Variants in KCNH8 observed in about 807,000 individuals in gnomAD.
KCNH8 encodes the protein voltage-gated delayed rectifier potassium channel KCNH8.
A neutral mutation model predicts 103.6 loss-of-function variants in KCNH8; 70 were observed. The observed-to-expected ratio is 0.68, with a 90% CI of 0.56 to 0.82. The LOEUF (loss-of-function observed/expected upper bound fraction) is 0.82, where lower values mean the gene tolerates loss of function less well. KCNH8 is among the 40% of genes least tolerant of loss of function. KCNH8 has a pLI of 0.00. For missense variants in KCNH8, 1,217 were observed against 1,329.9 expected (o/e 0.92, Z 1.32); for synonymous variants, 498 against 489.4 (o/e 1.02, Z -0.23).
intron 1 of KCNH8, among the ~76,000 whole-genome samples, chr3:19,218,720 A>G (rs1468869698): frequency 5.3e-5 from 8 of 152,176 alleles, no homozygotes; most frequent in Non-Finnish European, 8.8e-5. Context: ...TCTGAGATCA[A>G]GGTGTCAGCA....
chr3:19,407,173 TA>T (rs1311640670), intron 7 of KCNH8, among the ~76,000 whole-genome samples: 8 of 152,346 alleles, frequency 5.3e-5, no homozygotes, highest in Middle Eastern at 3.4e-3. Flanking sequence ...TTTTTTAATT[TA>T]CAGCATTGGA....
intron 12 of KCNH8, among the ~76,000 whole-genome samples, chr3:19,511,010 T>G (rs1162764365): frequency 6.6e-6 from 1 of 152,178 alleles, no homozygotes; most frequent in Non-Finnish European, 1.5e-5. Context: ...TTATTTTAAT[T>G]ATACTTTAAG....
At chr3:19,235,601 A>G (rs1027375296) in intron 1 of KCNH8, among the ~76,000 whole-genome samples, 14 of 152,202 alleles carry the variant, frequency 9.2e-5, no homozygotes, top group East Asian at 1.9e-4. Flanking sequence ...TTCAATTTTT[A>G]TGTCTGAATA....
At chr3:19,329,978 T>C (rs1450458504) in intron 3 of KCNH8, among the ~76,000 whole-genome samples, 1 of 151,584 alleles carries the variant, frequency 6.6e-6, no homozygotes, top group Non-Finnish European at 1.5e-5. Context: ...TTGAGAAGTA[T>C]GCTTTTGAGT....
intron 5 of KCNH8, 132 bp from the exon 6 acceptor site, chr3:19,390,349 C>A: frequency 6.9e-6 from 4 of 577,242 alleles, no homozygotes; most frequent in South Asian, 2.3e-5. Context: ...CTACGATTTT[C>A]TTCCTCCCTT....
chr3:19,521,196 TAC>T (rs2068965538), intron 15 of KCNH8, among the ~76,000 whole-genome samples: 1 of 151,990 alleles, frequency 6.6e-6, no homozygotes, highest in Non-Finnish European at 1.5e-5. Context: ...CCCAGAAAGA[TAC>T]AGAGGCAAAG....
chr3:19,468,435 A>G (rs914268041), intron 11 of KCNH8, among the ~76,000 whole-genome samples: 1 of 152,234 alleles, frequency 6.6e-6, no homozygotes, highest in African/African-American at 2.4e-5. Context: ...TCTGTTAGAC[A>G]TAGCAAAGCC....
At chr3:19,530,058 A>G (rs1203693332) in intron 15 of KCNH8, among the ~76,000 whole-genome samples, 3 of 152,182 alleles carry the variant, frequency 2.0e-5, no homozygotes, top group Non-Finnish European at 4.4e-5. Context: ...AGCCAGGCAC[A>G]GAAAGACAAA....
At chr3:19,186,248 T>C (rs2063501504) in intron 1 of KCNH8, among the ~76,000 whole-genome samples, 2 of 146,668 alleles carry the variant, frequency 1.4e-5, no homozygotes, top group African/African-American at 5.1e-5. Flanking sequence ...TATTCTCCCA[T>C]AGCTTTATTT....
At chr3:19,500,587 G>C (rs1270073438) in intron 11 of KCNH8, among the ~76,000 whole-genome samples, 1 of 152,130 alleles carries the variant, frequency 6.6e-6, no homozygotes, top group Non-Finnish European at 1.5e-5. Flanking sequence ...CTATCTCTCA[G>C]ACCATAGTGC....
At chr3:19,254,283 C>T (rs985676127) in intron 2 of KCNH8, among the ~76,000 whole-genome samples, 3 of 151,878 alleles carry the variant, frequency 2.0e-5, no homozygotes, top group East Asian at 3.9e-4. Flanking sequence ...CATCTCAATT[C>T]CAGTCATTAA....
chr3:19,360,929 AT>A (rs1444003738), intron 5 of KCNH8, among the ~76,000 whole-genome samples: 1 of 152,108 alleles, frequency 6.6e-6, no homozygotes, highest in Non-Finnish European at 1.5e-5. Flanking sequence ...AAGAACTAGT[AT>A]TATGATGAGT....
intron 1 of KCNH8, among the ~76,000 whole-genome samples, chr3:19,243,384 G>A (rs1304527105): frequency 2.0e-5 from 3 of 152,050 alleles, no homozygotes; most frequent in Non-Finnish European, 2.9e-5. Flanking sequence ...AGAAAACTCC[G>A]ATATTACAGC....
chr3:19,369,855 C>A (rs535616738), intron 5 of KCNH8, among the ~76,000 whole-genome samples: 1 of 152,122 alleles, frequency 6.6e-6, no homozygotes, highest in African/African-American at 2.4e-5. Flanking sequence ...TTATTCTTGA[C>A]GCTGCTTCTT....
intron 1 of KCNH8, among the ~76,000 whole-genome samples, chr3:19,152,801 C>G (rs1445545552): frequency 6.6e-6 from 1 of 151,728 alleles, no homozygotes; most frequent in African/African-American, 2.4e-5. Context: ...CCGGGTGTGG[C>G]GGCATGCACC....
intron 15 of KCNH8, among the ~76,000 whole-genome samples, chr3:19,532,223 G>A (rs1227027132): frequency 6.6e-6 from 1 of 152,096 alleles, no homozygotes; most frequent in Non-Finnish European, 1.5e-5. Flanking sequence ...TTAAGTGTTT[G>A]GGCCATGACA....
chr3:19,152,818 C>T (rs1364287816), intron 1 of KCNH8, among the ~76,000 whole-genome samples: 4 of 152,156 alleles, frequency 2.6e-5, no homozygotes, highest in African/African-American at 7.2e-5. Flanking sequence ...CACCTGTAAT[C>T]CCAGCTACTT....
chr3:19,170,659 T>TATAC (rs2063334225), intron 1 of KCNH8, among the ~76,000 whole-genome samples: 2 of 137,870 alleles, frequency 1.5e-5, no homozygotes, highest in African/African-American at 5.6e-5. Context: ...CACACATATA[T>TATAC]ACACACATAT....
In KCNH8 at chr3:19,435,437, C is replaced by T. The variant is rs569754445; in HGVS notation, c.1178-2727C>T. 6.6e-5 allele frequency among the ~76,000 whole-genome samples: 10 copies of T among 152,218 alleles called. No homozygotes were observed. The East Asian group carries it at 1.2e-3, about 18-fold the overall frequency. ...GTACCTATTCCATAGGGTTAGTACACGTAAATGAGATGGGATGTACCATTT... is the reference window on the plus strand; with the variant it reads ...GTACCTATTCCATAGGGTTAGTACATGTAAATGAGATGGGATGTACCATTT... On this transcript the variant is annotated intron_variant, in intron 7 of 15. Transcript: ENST00000328405.
Sources: allele counts gnomAD v4.1 joint callset (sites outside exome capture counted in the v4.1 genomes callset), GRCh38; gene constraint gnomAD v4.1.1; transcripts MANE v1.5; gene names NCBI Gene and HGNC (gene_info 2026-07-23, HGNC 2026-07-21).